The following RASL11A variants were observed in gnomAD, a reference collection of about 807,000 sequenced individuals.
RASL11A encodes ras-like protein family member 11A.
A neutral mutation model predicts 17.1 loss-of-function variants in RASL11A; 14 were observed. That is an observed-to-expected ratio of 0.82 (90% CI 0.54 to 1.28). The LOEUF (loss-of-function observed/expected upper bound fraction) is 1.28, where lower values mean the gene tolerates loss of function less well. RASL11A is among the 50% of genes most tolerant of loss of function. RASL11A has a pLI of 0.00. For missense variants in RASL11A, 283 were observed against 312.3 expected (o/e 0.91, Z 0.71); for synonymous variants, 146 against 132.5 (o/e 1.10, Z -0.70).
chr13:27,274,121 T>G lies in RASL11A; in HGVS notation c.*627T>G, dbSNP rs1593269463. On this transcript the variant is annotated 3_prime_UTR_variant, in exon 4 of 4. Coordinates refer to ENST00000241463, the MANE Select transcript of RASL11A (RefSeq NM_206827.2). ...AAAACAACCCCTTTTCTAGTATTCC[T>G]TATGTCAGTAAGTGGACCCTACCAC... is the stretch of plus-strand genomic sequence containing the variant. Among the ~76,000 whole-genome samples, 1 of 152,178 alleles carries G rather than the reference T, an allele frequency of 6.6e-6. No homozygotes were observed. The highest frequency in any genetic ancestry group is 1.5e-5 in the Non-Finnish European group (1 of 68,030).
chr13:27,274,830 G>GT lies in RASL11A; in HGVS notation c.*1337dup, dbSNP rs1882435959. On this transcript the variant is annotated 3_prime_UTR_variant, in exon 4 of 4. Coordinates refer to ENST00000241463, the MANE Select transcript of RASL11A (RefSeq NM_206827.2). ...TAGTTCAGTGCTTCCCCATAGAGTG[G>GT]TAAGTTTTAAGTAAACATATAATGA... Among the ~76,000 whole-genome samples the GT allele has an allele frequency of 6.6e-6, 1 of 152,176 alleles. No individual in the cohort carries two copies. The highest frequency in any genetic ancestry group is 6.5e-5 in the Admixed American group (1 of 15,278).
intron 3 of RASL11A, among the ~76,000 whole-genome samples, chr13:27,272,603 T>G (rs1882329341): frequency 6.6e-6 from 1 of 152,228 alleles, no homozygotes; most frequent in Admixed American, 6.5e-5. Context: ...GAAAGGAATT[T>G]CTTTCTGTAA....
rs1475401209 is a variant in RASL11A at position 27,273,454 on chromosome 13, C to CTCTG, written c.693_696dup (p.Pro233ValfsTer29). On this transcript the variant is annotated frameshift_variant, in exon 4 of 4. Coordinates refer to ENST00000241463, the MANE Select transcript of RASL11A (RefSeq NM_206827.2). LOFTEE classifies it high-confidence loss of function. ...GACCTGAAGAGACGCTTCAAGCAGGCTCTGTCTCCCAAAGTCAAAGCCCCC... is the reference window on the plus strand; with the variant it reads ...GACCTGAAGAGACGCTTCAAGCAGGCTCTGTCTGTCTCCCAAAGTCAAAGCCCCC... 1 of 1,614,054 alleles carries CTCTG rather than the reference C, an allele frequency of 6.2e-7. No homozygotes were observed. The highest frequency in any genetic ancestry group is 2.2e-5 in the East Asian group (1 of 44,896).
intron 3 of RASL11A, among the ~76,000 whole-genome samples, chr13:27,272,296 CTATT>C (rs776628810): frequency 2.0e-5 from 3 of 152,094 alleles, no homozygotes; most frequent in Admixed American, 6.5e-5. Context: ...AGCTATTTAT[CTATT>C]TATTTATTTA....
chr13:27,272,905 C>T (rs1224876932), intron 3 of RASL11A, 122 bp from the exon 4 acceptor site: 1 of 785,966 alleles, frequency 1.3e-6, no homozygotes, highest in African/African-American at 1.8e-5. Flanking sequence ...TGGGTGGAAA[C>T]TGAAAACTGT....
chr13:27,273,672 T>C lies in RASL11A; in HGVS notation c.*178T>C, dbSNP rs1882378830. 1 of 450,672 alleles carries C rather than the reference T, an allele frequency of 2.2e-6. No individual in the cohort carries two copies. Among genetic ancestry groups the C allele is most frequent in the Non-Finnish European group, 3.8e-6 (1 of 261,662 alleles). 27.9% of individuals were successfully genotyped at this position (450,672 alleles called of 1,614,324 possible). On this transcript the variant is annotated 3_prime_UTR_variant, in exon 4 of 4. Transcript: ENST00000241463. ...GCCTAGAAGCTGGATAAAATTTTGT[T>C]TTGTTTTATTAAAAGAACTTTTTTT...
chr13:27,273,291 A>G lies in RASL11A; in HGVS notation c.526A>G (p.Ile176Val). 3 of 1,614,172 alleles carry G rather than the reference A, an allele frequency of 1.9e-6. No homozygotes were observed. The highest frequency in any genetic ancestry group is 2.5e-6 in the Non-Finnish European group (3 of 1,180,036). The change falls in exon 4 of 4, where the codon ATT (isoleucine) becomes GTT (valine). Residue 176 changes from isoleucine to valine, a missense_variant. Transcript: ENST00000241463. ...ANELGSLFLE[I>V]STSENYEDVC... ...TGAGCTGGGCAGCCTGTTCCTTGAAATTTCCACTAGCGAAAACTACGAAGA... is the reference window on the plus strand; with the variant it reads ...TGAGCTGGGCAGCCTGTTCCTTGAAGTTTCCACTAGCGAAAACTACGAAGA...
intron 1 of RASL11A, 49 bp downstream of exon 1, chr13:27,271,117 G>T: frequency 1.3e-6 from 2 of 1,532,286 alleles, no homozygotes; most frequent in Non-Finnish European, 1.8e-6. Flanking sequence ...GGCTCCGGCC[G>T]CGACCACTGG....
In RASL11A at chr13:27,273,176, C is replaced by T. The variant is rs1882351432; in HGVS notation, c.411C>T (p.Asp137=). The stretch of plus-strand genomic sequence containing the variant: ...AGCACATCCGGAAGGTCCACCCTGA[C>T]TCTAAAGCCCCTGTCATCATCGTGG... ...LYQHIRKVHP[D]SKAPVIIVGN... The change falls in exon 4 of 4, where the codon GAC becomes GAT. Residue 137 remains aspartate (D), a synonymous_variant. Transcript: ENST00000241463. 6.2e-7 allele frequency: 1 copy of T among 1,614,228 alleles called. No individual in the cohort carries two copies. Among genetic ancestry groups the T allele is most frequent in the Non-Finnish European group, 8.5e-7 (1 of 1,180,044 alleles).
intron 3 of RASL11A, among the ~76,000 whole-genome samples, chr13:27,272,676 C>T (rs185074846): frequency 6.6e-6 from 1 of 152,226 alleles, no homozygotes; most frequent in Non-Finnish European, 1.5e-5. Context: ...TTTATCTTGG[C>T]TTATTTTCAA....
rs552079850 is a variant in RASL11A, at chr13:27,275,050, C to A, written c.*1556C>A. Among the ~76,000 whole-genome samples the A allele has an allele frequency of 9.2e-5, 14 of 152,282 alleles. No homozygotes were observed. Among genetic ancestry groups the A allele is most frequent in the African/African-American group, 2.9e-4 (12 of 41,558 alleles). On this transcript the variant is annotated 3_prime_UTR_variant, in exon 4 of 4. Transcript: ENST00000241463. The stretch of plus-strand genomic sequence containing the variant: ...TTCCAAAAGGACAGCTCTGTCCAGA[C>A]CTGTGATGTCAGCACCACTTTTCCC...
rs753106766 is a variant in RASL11A at position 27,274,755 on chromosome 13, T to A, written c.*1261T>A. On this transcript the variant is annotated 3_prime_UTR_variant, in exon 4 of 4. Coordinates refer to ENST00000241463, the MANE Select transcript of RASL11A (RefSeq NM_206827.2). ...CTATTTGTTACTCCATTAGAAGGAG[T>A]CCCCCTCGAGGGCAGTAGCTGCATT... 2.0e-5 allele frequency among the ~76,000 whole-genome samples: 3 copies of A among 152,058 alleles called. No homozygotes were observed. In the South Asian group the frequency reaches 6.2e-4, roughly 32 times the overall value.
rs1033578357 is a variant in RASL11A, at chr13:27,274,899, T to C, written c.*1405T>C. On this transcript the variant is annotated 3_prime_UTR_variant, in exon 4 of 4. Transcript: ENST00000241463. ...CACTTATGGTGCCAAGGGTCAATGA[T>C]GGGAGATTACCATGAAACAAATTGT... Among the ~76,000 whole-genome samples the C allele has an allele frequency of 2.6e-5, 4 of 152,230 alleles. No homozygotes were observed. The highest frequency in any genetic ancestry group is 7.2e-5 in the African/African-American group (3 of 41,456).
rs1882414398 is a variant in RASL11A, at chr13:27,274,425, G to A, written c.*931G>A. Reference sequence around the variant, plus strand: ...CTTAGCTACTGGTTAAGATAGACATGAGACATGGCATCAAGATTCTTTACC... The same window carrying A: ...CTTAGCTACTGGTTAAGATAGACATAAGACATGGCATCAAGATTCTTTACC... On this transcript the variant is annotated 3_prime_UTR_variant, in exon 4 of 4. Coordinates refer to ENST00000241463, the MANE Select transcript of RASL11A (RefSeq NM_206827.2). Among the ~76,000 whole-genome samples the A allele has an allele frequency of 6.6e-6, 1 of 152,182 alleles. No individual in the cohort carries two copies. Among genetic ancestry groups the A allele is most frequent in the African/African-American group, 2.4e-5 (1 of 41,442 alleles).
chr13:27,271,803 G>A (rs1882301612), intron 3 of RASL11A, 85 bp downstream of exon 3: 4 of 1,152,122 alleles, frequency 3.5e-6, no homozygotes, highest in Middle Eastern at 3.0e-4. Context: ...CATGCTGGGC[G>A]CAGGGGTCTG....
At chr13:27,271,848 G>A (rs934877539) in intron 3 of RASL11A, 130 bp downstream of exon 3, 3 of 693,246 alleles carry the variant, frequency 4.3e-6, no homozygotes, top group African/African-American at 1.8e-5. Context: ...GCGTTTAGAG[G>A]GAGGAATGGG....
At chr13:27,271,127 G>T in intron 1 of RASL11A, 59 bp downstream of exon 1, 1 of 1,517,940 alleles carries the variant, frequency 6.6e-7, no homozygotes, top group Non-Finnish European at 8.8e-7. Flanking sequence ...GCGACCACTG[G>T]GGGCGCTGCG....
intron 1 of RASL11A, 39 bp downstream of exon 1, chr13:27,271,107 G>A (rs1254820772): frequency 2.6e-6 from 4 of 1,536,900 alleles, no homozygotes; most frequent in Non-Finnish European, 8.8e-7. Context: ...TTCGCTCCCC[G>A]GCTCCGGCCG....
intron 1 of RASL11A, 47 bp from the exon 2 acceptor site, chr13:27,271,437 A>T: frequency 1.2e-6 from 2 of 1,610,580 alleles, no homozygotes; most frequent in South Asian, 2.2e-5. Context: ...CCTGGGTTTG[A>T]CAGGCTTGTT....
Sources: gnomAD v4.1 joint callset for allele counts (sites outside exome capture counted in the v4.1 genomes callset) on GRCh38, gnomAD v4.1.1 for gene constraint, MANE v1.5 for transcripts, NCBI Gene and HGNC (gene_info 2026-07-23, HGNC 2026-07-21) for gene names.